The following ARB2A variants were observed in gnomAD, a reference collection of about 807,000 sequenced individuals.
ARB2A encodes ARB2 cotranscriptional regulator A, also known as cotranscriptional regulator ARB2A.
chr5:93,815,483 A>C, the ARB2A span, among the ~76,000 whole-genome samples: 1 of 152,188 alleles, frequency 6.6e-6, no homozygotes, highest in Non-Finnish European at 1.5e-5. Flanking sequence ...AGTATCTTAC[A>C]TGTCCTCAGA....
the ARB2A span, among the ~76,000 whole-genome samples, chr5:93,817,219 T>C: frequency 6.6e-6 from 1 of 151,912 alleles, no homozygotes; most frequent in Non-Finnish European, 1.5e-5. Context: ...GAAAATAAAA[T>C]AAACAATTTC....
the ARB2A span, among the ~76,000 whole-genome samples, chr5:93,689,869 C>T: frequency 5.9e-5 from 9 of 152,076 alleles, no homozygotes; most frequent in Admixed American, 4.6e-4. Context: ...GCTTATCTCA[C>T]TGGAACTGGT....
At chr5:93,817,812 C>CT in the ARB2A span, among the ~76,000 whole-genome samples, 1 of 151,962 alleles carries the variant, frequency 6.6e-6, no homozygotes, top group Non-Finnish European at 1.5e-5. Flanking sequence ...TATACAAAAA[C>CT]TAGCTTAAAT....
the ARB2A span, among the ~76,000 whole-genome samples, chr5:93,781,212 T>C: frequency 3.9e-5 from 6 of 152,180 alleles, no homozygotes; most frequent in Admixed American, 3.3e-4. Flanking sequence ...CTACTTTGTA[T>C]GTCCATATGT....
At chr5:94,086,461 G>A in the ARB2A span, among the ~76,000 whole-genome samples, 2 of 152,022 alleles carry the variant, frequency 1.3e-5, no homozygotes, top group African/African-American at 4.8e-5. Context: ...CAAACATACT[G>A]CACTGCCAGT....
chr5:93,668,997 A>G, the ARB2A span, among the ~76,000 whole-genome samples: 1 of 152,210 alleles, frequency 6.6e-6, no homozygotes, highest in African/African-American at 2.4e-5. Context: ...GTGATCCCCA[A>G]ATGTCTGAAT....
the ARB2A span, among the ~76,000 whole-genome samples, chr5:93,995,340 T>C: frequency 6.6e-6 from 1 of 152,204 alleles, no homozygotes; most frequent in Non-Finnish European, 1.5e-5. Context: ...TTTTTCATCA[T>C]GTTCAGTGCA....
At chr5:93,682,242 TAAA>T in the ARB2A span, among the ~76,000 whole-genome samples, 1,033 of 136,586 alleles carry the variant, frequency 7.6e-3, 17 homozygotes, top group African/African-American at 0.023. Context: ...CAGTCTAACT[TAAA>T]AAAAAAAAAA....
chr5:94,012,792 G>A, the ARB2A span, among the ~76,000 whole-genome samples: 11 of 152,132 alleles, frequency 7.2e-5, no homozygotes, highest in Non-Finnish European at 1.5e-4. Context: ...TATAACAATG[G>A]GTTTTTGAGA....
the ARB2A span, among the ~76,000 whole-genome samples, chr5:93,843,794 A>T: frequency 7.9e-5 from 12 of 152,178 alleles, no homozygotes; most frequent in Non-Finnish European, 1.5e-5. Context: ...GAAAAATAGG[A>T]GAGAAAAGTA....
chr5:93,959,520 A>G, the ARB2A span, among the ~76,000 whole-genome samples: 12 of 152,118 alleles, frequency 7.9e-5, no homozygotes, highest in Non-Finnish European at 1.8e-4. Flanking sequence ...GGAAAATCAT[A>G]TATCAGCCAG....
At chr5:93,715,155 CT>C in the ARB2A span, among the ~76,000 whole-genome samples, 1 of 152,188 alleles carries the variant, frequency 6.6e-6, no homozygotes, top group South Asian at 2.1e-4. Flanking sequence ...TACAAATACA[CT>C]TTTTTTCTAA....
the ARB2A span, among the ~76,000 whole-genome samples, chr5:93,761,627 G>A: frequency 6.6e-6 from 1 of 152,188 alleles, no homozygotes; most frequent in African/African-American, 2.4e-5. Context: ...TCCACCTCTG[G>A]GGGCAGGGCA....
At chr5:94,020,622 T>C in the ARB2A span, among the ~76,000 whole-genome samples, 2 of 152,136 alleles carry the variant, frequency 1.3e-5, no homozygotes, top group Non-Finnish European at 2.9e-5. Flanking sequence ...AACACTTGGT[T>C]GGATGGTTGT....
the ARB2A span, among the ~76,000 whole-genome samples, chr5:94,067,963 T>G: frequency 1.6e-4 from 25 of 152,184 alleles, no homozygotes; most frequent in Non-Finnish European, 2.6e-4. Context: ...ATATTATTAT[T>G]TTAAAAATAA....
At chr5:93,816,100 G>A in the ARB2A span, among the ~76,000 whole-genome samples, 1 of 152,086 alleles carries the variant, frequency 6.6e-6, no homozygotes, top group Non-Finnish European at 1.5e-5. Flanking sequence ...ATTTAATAAC[G>A]ATTGGATCCT....
At chr5:93,659,006 T>C in the ARB2A span, among the ~76,000 whole-genome samples, 1 of 152,040 alleles carries the variant, frequency 6.6e-6, no homozygotes, top group South Asian at 2.1e-4. Context: ...AACAATTTTA[T>C]ATGTCTTCTT....
the ARB2A span, among the ~76,000 whole-genome samples, chr5:93,850,442 G>C: frequency 6.6e-6 from 1 of 152,112 alleles, no homozygotes; most frequent in Admixed American, 6.6e-5. Flanking sequence ...GAAGATAACT[G>C]ACCCTCTCAA....
the ARB2A span, among the ~76,000 whole-genome samples, chr5:93,976,059 A>T: frequency 6.6e-6 from 1 of 152,226 alleles, no homozygotes; most frequent in Non-Finnish European, 1.5e-5. Flanking sequence ...AGTGGGCTTT[A>T]TTCCTGGAAT....
Sources: allele counts gnomAD v4.1 joint callset (sites outside exome capture counted in the v4.1 genomes callset), GRCh38; gene constraint gnomAD v4.1.1; transcripts MANE v1.5; gene names NCBI Gene and HGNC (gene_info 2026-07-23, HGNC 2026-07-21).